Variants in ARHGAP10 observed in about 807,000 individuals in gnomAD.
The protein encoded by ARHGAP10 is rho GTPase-activating protein 10.
A neutral mutation model predicts 108.6 loss-of-function variants in ARHGAP10; 87 were observed. That is an observed-to-expected ratio of 0.80 (90% CI 0.67 to 0.96). The LOEUF is 0.96. Among genes scored for constraint, ARHGAP10 ranks in the 40% least tolerant of loss-of-function variants. The pLI, the probability that ARHGAP10 is intolerant of heterozygous loss-of-function variation, is 0.00. For synonymous variants in ARHGAP10, 347 were observed against 341.1 expected (o/e 1.02, Z -0.19); for missense variants, 939 against 954.5 (o/e 0.98, Z 0.21).
intron 4 of ARHGAP10, among the ~76,000 whole-genome samples, chr4:147,852,012 G>A (rs530205485): frequency 6.6e-6 from 1 of 152,268 alleles, no homozygotes; most frequent in South Asian, 2.1e-4. Flanking sequence ...TGAGACTTAC[G>A]ACACTTGTCT....
In ARHGAP10 at chr4:147,756,762, G is replaced by T. The variant is rs1052467190; in HGVS notation, c.154+24307G>T. 1.5e-4 allele frequency among the ~76,000 whole-genome samples: 23 copies of T among 152,268 alleles called. No individual in the cohort carries two copies. In the South Asian group the frequency reaches 3.5e-3, roughly 23 times the overall value. ...GGAATATATCCTCCCTGGATAAGGG[G>T]GGACCACTATATTGTTATTGGTCTT... is the stretch of plus-strand genomic sequence containing the variant. On this transcript the variant is annotated intron_variant, in intron 1 of 22. Coordinates refer to ENST00000336498, the MANE Select transcript of ARHGAP10 (RefSeq NM_024605.4).
chr4:147,732,758 C>T (rs964394578), intron 1 of ARHGAP10, among the ~76,000 whole-genome samples: 3 of 152,198 alleles, frequency 2.0e-5, no homozygotes, highest in Non-Finnish European at 4.4e-5. Flanking sequence ...ATGCGCGCTC[C>T]GCTGGACCGA....
intron 19 of ARHGAP10, among the ~76,000 whole-genome samples, chr4:148,027,126 G>A (rs1283200390): frequency 6.6e-6 from 1 of 152,124 alleles, no homozygotes; most frequent in Non-Finnish European, 1.5e-5. Flanking sequence ...GGGGAGTCGG[G>A]GAGAAGAGGA....
At chr4:147,742,476 C>CTTTTTTTTTTTT (rs11420720) in intron 1 of ARHGAP10, among the ~76,000 whole-genome samples, 1 of 86,494 alleles carries the variant, frequency 1.2e-5, no homozygotes, top group Non-Finnish European at 2.0e-5. Flanking sequence ...TCTGTGAACA[C>CTTTTTTTTTTTT]TTTTTTTTTT....
chr4:147,818,125 A>G (rs1316393671), intron 1 of ARHGAP10, among the ~76,000 whole-genome samples: 2 of 151,872 alleles, frequency 1.3e-5, no homozygotes, highest in Non-Finnish European at 2.9e-5. Flanking sequence ...CTGAGTCACT[A>G]AACTATCTCT....
chr4:147,986,716 C>G (rs564629537), intron 18 of ARHGAP10, among the ~76,000 whole-genome samples: 1 of 152,304 alleles, frequency 6.6e-6, no homozygotes, highest in South Asian at 2.1e-4. Flanking sequence ...CTCACATTTA[C>G]TAAGTGCTCA....
At chr4:147,843,100 C>T (rs1733481874) in intron 3 of ARHGAP10, among the ~76,000 whole-genome samples, 2 of 152,238 alleles carry the variant, frequency 1.3e-5, no homozygotes, top group Non-Finnish European at 2.9e-5. Flanking sequence ...CCCACAAACC[C>T]GTTTGTACTG....
intron 6 of ARHGAP10, chr4:147,865,789 A>G (rs1249616887): frequency 1.3e-5 from 2 of 152,214 alleles, no homozygotes; most frequent in Admixed American, 6.5e-5. Flanking sequence ...AGCGATAGTC[A>G]TTAACCTAAA....
rs540634228 is a variant in ARHGAP10, at chr4:147,936,174, C to G, written c.1229-3651C>G. Among the ~76,000 whole-genome samples the G allele has an allele frequency of 9.9e-4, 151 of 152,264 alleles. 1 individual carries two copies. The highest frequency in any genetic ancestry group is 1.7e-3 in the Non-Finnish European group (117 of 68,032). ...TTTTAAACTATCTGGATGTGCCCTT[C>G]TGGCTTCCAAAAAGAAGGAAGGATT... On this transcript the variant is annotated intron_variant, in intron 13 of 22. Transcript: ENST00000336498.
chr4:147,913,810 C>T (rs1736850626), intron 13 of ARHGAP10, among the ~76,000 whole-genome samples: 1 of 152,086 alleles, frequency 6.6e-6, no homozygotes, highest in African/African-American at 2.4e-5. Flanking sequence ...TTGGTTGAAG[C>T]ACTCTGAAGA....
intron 18 of ARHGAP10, among the ~76,000 whole-genome samples, chr4:148,022,795 T>C (rs1350188970): frequency 6.6e-6 from 1 of 152,262 alleles, no homozygotes; most frequent in Non-Finnish European, 1.5e-5. Context: ...TTCATAAGCA[T>C]AGGCTATTTT....
chr4:147,837,151 A>C (rs111397229), intron 3 of ARHGAP10, among the ~76,000 whole-genome samples: 52 of 152,190 alleles, frequency 3.4e-4, no homozygotes, highest in African/African-American at 1.2e-3. Context: ...TTGAGCCTAG[A>C]ATGATGGGGA....
At chr4:147,931,186 A>G (rs951054611) in intron 13 of ARHGAP10, among the ~76,000 whole-genome samples, 4 of 152,162 alleles carry the variant, frequency 2.6e-5, no homozygotes, top group Non-Finnish European at 4.4e-5. Flanking sequence ...AGTAAGACAC[A>G]TTTGATTTTA....
intron 18 of ARHGAP10, among the ~76,000 whole-genome samples, chr4:147,984,266 G>A (rs968627449): frequency 6.6e-6 from 1 of 152,222 alleles, no homozygotes; most frequent in African/African-American, 2.4e-5. Flanking sequence ...ACACATTCGC[G>A]TTCAGCGGCT....
intron 1 of ARHGAP10, among the ~76,000 whole-genome samples, chr4:147,754,907 A>G (rs1729306018): frequency 1.3e-5 from 2 of 152,100 alleles, no homozygotes; most frequent in South Asian, 2.1e-4. Flanking sequence ...CAGCCTGACC[A>G]ACATGGTGAA....
Position 147,744,455 on chromosome 4 carries a change from C to T in ARHGAP10, c.154+12000C>T, listed in dbSNP as rs530620858. Among the ~76,000 whole-genome samples, 9 of 151,940 alleles carry T rather than the reference C, an allele frequency of 5.9e-5. No individual in the cohort carries two copies. In the South Asian group the frequency reaches 1.3e-3, roughly 21 times the overall value. On this transcript the variant is annotated intron_variant, in intron 1 of 22. Coordinates refer to ENST00000336498, the MANE Select transcript of ARHGAP10 (RefSeq NM_024605.4). The stretch of plus-strand genomic sequence containing the variant: ...TACTCTAAGGACAGTAGGAAGTGAT[C>T]GAAAAGTTTTGTGTAGGGGAGTGGT...
chr4:147,947,550 G>A (rs538026358), intron 15 of ARHGAP10, among the ~76,000 whole-genome samples: 1 of 151,208 alleles, frequency 6.6e-6, no homozygotes, highest in South Asian at 2.1e-4. Context: ...TTACAGGCTT[G>A]CACCACCACG....
At chr4:147,872,986 G>T (rs1185675021) in intron 7 of ARHGAP10, among the ~76,000 whole-genome samples, 1 of 152,054 alleles carries the variant, frequency 6.6e-6, no homozygotes, top group Non-Finnish European at 1.5e-5. Flanking sequence ...AGTTGTAGAT[G>T]GGGAGGAAAA....
chr4:147,847,270 G>A (rs1252059862), intron 4 of ARHGAP10, 48 bp downstream of exon 4: 1 of 1,478,366 alleles, frequency 6.8e-7, no homozygotes, highest in Non-Finnish European at 9.4e-7. Context: ...TGCCTCTGCT[G>A]CTTCATGGTA....
Sources: allele counts gnomAD v4.1 joint callset (sites outside exome capture counted in the v4.1 genomes callset), GRCh38; gene constraint gnomAD v4.1.1; transcripts MANE v1.5; gene names NCBI Gene and HGNC (gene_info 2026-07-23, HGNC 2026-07-21).